EPS8L3: variants seen among roughly 807,000 people sequenced by gnomAD.
EPS8L3 encodes EPS8 signaling adaptor L3, also known as epidermal growth factor receptor kinase substrate 8-like protein 3.
EPS8L3 carries 80 observed loss-of-function variants against 88.5 expected under a neutral mutation model. The ratio of observed to expected loss-of-function variants is 0.90; its 90% confidence interval spans 0.75 to 1.09. EPS8L3 has a LOEUF of 1.09. Ranked by LOEUF, EPS8L3 falls within the 50% of genes least tolerant of loss-of-function variation. The pLI is 0.00. For missense variants in EPS8L3, 721 were observed against 735.2 expected, an observed-to-expected ratio of 0.98 and a Z score of 0.22; for synonymous variants, 286 against 291.0, an observed-to-expected ratio of 0.98 and a Z score of 0.18.
chr1:109,751,393 C>T (rs1370605736), intron 16 of EPS8L3, 42 bp from the exon 17 acceptor site: 1 of 1,565,610 alleles, frequency 6.4e-7, no homozygotes, highest in Non-Finnish European at 8.8e-7. Context: ...CATCTCATCT[C>T]ACAGCCAACC....
intron 14 of EPS8L3, among the ~76,000 whole-genome samples, chr1:109,752,476 G>C (rs1649890401): frequency 6.6e-6 from 1 of 152,132 alleles, no homozygotes; most frequent in South Asian, 2.1e-4. Flanking sequence ...AAGCATGTGT[G>C]GGTAGTATCA....
At chr1:109,754,060 CTTAA>C (rs1409347172) in intron 12 of EPS8L3, among the ~76,000 whole-genome samples, 4 of 152,198 alleles carry the variant, frequency 2.6e-5, no homozygotes, top group African/African-American at 9.7e-5. Flanking sequence ...TCTCAATTTT[CTTAA>C]TTGTTTCCTT....
chr1:109,760,936 A>G (rs1310887787), intron 3 of EPS8L3, among the ~76,000 whole-genome samples: 1 of 152,116 alleles, frequency 6.6e-6, no homozygotes, highest in African/African-American at 2.4e-5. Context: ...CAGTGCCTGC[A>G]TCATCCTCCC....
chr1:109,759,079 C>T lies in EPS8L3; in HGVS notation c.444G>A (p.Glu148=). The T allele has an allele frequency of 1.2e-6, 2 of 1,608,114 alleles. No individual in the cohort carries two copies. The highest frequency in any genetic ancestry group is 1.7e-6 in the Non-Finnish European group (2 of 1,178,080). The change falls in exon 6 of 19, where the codon GAG becomes GAA. Residue 148 remains glutamate, a synonymous_variant. Transcript: ENST00000361965. This position sits in a 1 kb window ranked among gnomAD's most constrained non-coding sequence, Gnocchi z 4.2. ...RLKTSLQKAL[E]EELEQRPRLG... is the part of the protein sequence containing the mutation. ...CTGCCTACCTTTGCTCCAGCTCTTC[C>T]TCCAGAGCCTTCTGCAGGCTGGTCT... is the stretch of plus-strand genomic sequence containing the variant.
intron 10 of EPS8L3, 79 bp downstream of exon 10, chr1:109,757,723 G>A (rs1650427613): frequency 5.3e-6 from 8 of 1,511,956 alleles, no homozygotes; most frequent in South Asian, 1.1e-5. Context: ...GCTTGGGATG[G>A]TTGAGTCCAG....
At chr1:109,763,113 A>G (rs1651173947) in intron 1 of EPS8L3, among the ~76,000 whole-genome samples, 1 of 152,224 alleles carries the variant, frequency 6.6e-6, no homozygotes, top group Non-Finnish European at 1.5e-5. Flanking sequence ...GACTGTTGTG[A>G]AAATGACGTA....
intron 17 of EPS8L3, 146 bp from the exon 18 acceptor site, chr1:109,750,938 A>G: frequency 1.0e-6 from 1 of 970,592 alleles, no homozygotes; most frequent in Non-Finnish European, 1.5e-6. Flanking sequence ...GAAGGAGTAA[A>G]GTCAGCATTT....
intron 18 of EPS8L3, 103 bp from the exon 19 acceptor site, chr1:109,750,505 G>T (rs183955245): frequency 1.3e-6 from 2 of 1,582,748 alleles, no homozygotes; most frequent in Non-Finnish European, 1.7e-6. Flanking sequence ...CTGAATGCAT[G>T]AAGCTAAGCC....
chr1:109,762,970 G>A (rs1051182010), intron 1 of EPS8L3, among the ~76,000 whole-genome samples: 11 of 152,202 alleles, frequency 7.2e-5, no homozygotes, highest in East Asian at 5.8e-4. Context: ...TAGTCTGTGC[G>A]GGTCAAGGGT....
chr1:109,753,087 G>A lies in EPS8L3; in HGVS notation c.1200+30C>T, dbSNP rs540663926. ...GAAACTAGCCAGGGACTAGGGCTGT[G>A]GGTAGGGCTCTATGCCAAGCTCCCC... is the stretch of plus-strand genomic sequence containing the variant. On this transcript the variant is annotated intron_variant, in intron 13 of 18. Transcript: ENST00000361965. The A allele has an allele frequency of 2.4e-5, 38 of 1,578,598 alleles. No individual in the cohort carries two copies. In the Admixed American group the frequency reaches 4.3e-4, roughly 18 times the overall value.
At chr1:109,751,454 T>A in intron 16 of EPS8L3, 103 bp from the exon 17 acceptor site, 1 of 1,392,246 alleles carries the variant, frequency 7.2e-7, no homozygotes, top group Non-Finnish European at 1.0e-6. Flanking sequence ...AAATCACTTC[T>A]CTTACTCTGT....
chr1:109,758,123 GC>G lies in EPS8L3; in HGVS notation c.718-66del, dbSNP rs1344466273. On this transcript the variant is annotated intron_variant, in intron 8 of 18. Transcript: ENST00000361965. Reference sequence around the variant, plus strand: ...GGCCCACCCTGGAACTCCCCACACTGCCCCCCGCACCCCTCCCCACCACAAG... The same window carrying G: ...GGCCCACCCTGGAACTCCCCACACTGCCCCCGCACCCCTCCCCACCACAAG... 1.7e-5 allele frequency: 25 copies of G among 1,445,204 alleles called. No homozygotes were observed. The African/African-American group carries it at 2.9e-4, about 17-fold the overall frequency. 89.5% of individuals were successfully genotyped at this position (1,445,204 alleles called of 1,614,324 possible). A position where few individuals can be genotyped will look rare whatever the true frequency, so the allele number is the denominator to read the frequency against.
At chr1:109,762,880 A>ACAGAGGGAG (rs1437837610) in intron 1 of EPS8L3, among the ~76,000 whole-genome samples, 1 of 152,232 alleles carries the variant, frequency 6.6e-6, no homozygotes, top group African/African-American at 2.4e-5. Flanking sequence ...GTGCGCAGTC[A>ACAGAGGGAG]CAGAGGGAGT....
intron 2 of EPS8L3, 55 bp downstream of exon 2, chr1:109,761,664 G>A: frequency 1.9e-6 from 3 of 1,610,880 alleles, no homozygotes; most frequent in Non-Finnish European, 2.5e-6. Context: ...TGGAGGATGG[G>A]ACATTCTGGG....
At chr1:109,755,657 A>T (rs1650217137) in intron 12 of EPS8L3, among the ~76,000 whole-genome samples, 1 of 151,928 alleles carries the variant, frequency 6.6e-6, no homozygotes, top group Non-Finnish European at 1.5e-5. Flanking sequence ...AAATACAAAA[A>T]ATAGCCAGAC....
chr1:109,758,187 T>C, intron 8 of EPS8L3, 129 bp from the exon 9 acceptor site: 1 of 1,283,932 alleles, frequency 7.8e-7, no homozygotes, highest in Non-Finnish European at 1.1e-6. Context: ...TAAACAAGCC[T>C]CTCTGGCCTC....
Position 109,758,402 on chromosome 1 carries a change from G to T in EPS8L3, c.631C>A (p.Arg211Ser). The T allele has an allele frequency of 1.2e-6, 2 of 1,611,284 alleles. No individual in the cohort carries two copies. The highest frequency in any genetic ancestry group is 1.7e-6 in the Non-Finnish European group (2 of 1,178,656). The change falls in exon 8 of 19, where the codon CGC (arginine) becomes AGC (serine). Residue 211 changes from arginine (R) to serine (S), a missense_variant. Coordinates refer to ENST00000361965, the MANE Select transcript of EPS8L3 (RefSeq NM_133181.4). ...SLPPSPRPLP[R>S]HTSAREPSAF... ...CTTGGTTCTCGGGCACTGGTGTGGC[G>T]TGGCAGGGGCCTTGGGGATGGTGGG...
At chr1:109,763,513 G>A (rs942875726) in intron 1 of EPS8L3, among the ~76,000 whole-genome samples, 32 of 152,170 alleles carry the variant, frequency 2.1e-4, no homozygotes, top group Non-Finnish European at 3.5e-4. Flanking sequence ...CTTAGGGGTA[G>A]GGGAGCTGTG....
At chr1:109,760,005 G>A (rs867956233) in intron 3 of EPS8L3, 169 bp from the exon 4 acceptor site, 20 of 674,096 alleles carry the variant, frequency 3.0e-5, no homozygotes, top group Middle Eastern at 3.5e-4. Flanking sequence ...TGTGAGGGAC[G>A]GTGTCGAAGC....
Sources: gnomAD v4.1 joint callset for allele counts (sites outside exome capture counted in the v4.1 genomes callset) on GRCh38, gnomAD v4.1.1 for gene constraint, Gnocchi (gnomAD v3.1) non-coding constraint, MANE v1.5 for transcripts, NCBI Gene and HGNC (gene_info 2026-07-23, HGNC 2026-07-21) for gene names.